AGBL4: variants seen among roughly 807,000 people sequenced by gnomAD.
AGBL4 encodes the protein AGBL carboxypeptidase 4.
A neutral mutation model predicts 66.4 loss-of-function variants in AGBL4; 58 were observed. That is an observed-to-expected ratio of 0.87 (90% CI 0.71 to 1.09). AGBL4 has a LOEUF of 1.09. AGBL4 is among the 50% of genes least tolerant of loss of function. The probability of loss-of-function intolerance (pLI) is 0.00; values close to 1 mark genes in which losing one functional copy is unlikely to be tolerated. For synonymous variants in AGBL4, 234 were observed against 222.9 expected, an observed-to-expected ratio of 1.05 and a Z score of -0.44; for missense variants, 579 against 631.0, an observed-to-expected ratio of 0.92 and a Z score of 0.88.
rs150412156 is a variant in AGBL4, at chr1:49,315,940, A to C, written c.283-70076T>G. Reference sequence around the variant, plus strand: ...AATGTAATTCAGTGCTACAAAGAAGAGCGCTATCAAGCCATTTAAACACAT... The same window carrying C: ...AATGTAATTCAGTGCTACAAAGAAGCGCGCTATCAAGCCATTTAAACACAT... On this transcript the variant is annotated intron_variant, in intron 3 of 13. Transcript: ENST00000371839. 7.9e-3 allele frequency among the ~76,000 whole-genome samples: 1,201 copies of C among 152,210 alleles called. 8 individuals are homozygous for C. Among genetic ancestry groups the C allele is most frequent in the Middle Eastern group, 0.031 (9 of 294 alleles).
intron 5 of AGBL4, among the ~76,000 whole-genome samples, chr1:48,913,271 G>C (rs908755691): frequency 3.3e-5 from 5 of 152,162 alleles, no homozygotes; most frequent in Non-Finnish European, 7.3e-5. Flanking sequence ...TGGAAGATCA[G>C]AATCAATACA....
At chr1:48,990,055 C>T (rs976171469) in intron 5 of AGBL4, among the ~76,000 whole-genome samples, 5 of 152,142 alleles carry the variant, frequency 3.3e-5, no homozygotes, top group African/African-American at 1.2e-4. Flanking sequence ...TATTGCCTAT[C>T]TTTTGGATAT....
chr1:48,549,327 G>C (rs1228910633), intron 11 of AGBL4, among the ~76,000 whole-genome samples: 2 of 152,230 alleles, frequency 1.3e-5, no homozygotes, highest in Non-Finnish European at 2.9e-5. Context: ...TGTCAGACAA[G>C]TGCATGACTA....
At position 49,036,478 on chromosome 1, in the gene AGBL4, T is replaced by TTC. The variant is rs536390054; in HGVS notation, c.594+9104_594+9105dup. Among the ~76,000 whole-genome samples the TTC allele has an allele frequency of 4.5e-4, 68 of 152,256 alleles. 1 individual carries two copies. In the South Asian group the frequency reaches 9.5e-3, roughly 21 times the overall value. On this transcript the variant is annotated intron_variant, in intron 5 of 13. Transcript: ENST00000371839. ...CCATGGAGTATAAAGAAATGTTGAA[T>TTC]TCTCTGGGGGTAGGAGAAAAGAGAG...
chr1:49,013,289 T>TGACTG lies in AGBL4; in HGVS notation c.594+32290_594+32294dup, dbSNP rs538133632. ...GGTGTCCAGGAAACCTCACAGAATG[T>TGACTG]GACTGCCACAAGCTTGGTATCTTCT... On this transcript the variant is annotated intron_variant, in intron 5 of 13. Transcript: ENST00000371839. Among the ~76,000 whole-genome samples the TGACTG allele has an allele frequency of 6.6e-4, 101 of 152,340 alleles. 2 individuals carry two copies. The South Asian group carries it at 0.02, about 30-fold the overall frequency.
At chr1:49,148,187 A>G (rs1375316675) in intron 4 of AGBL4, among the ~76,000 whole-genome samples, 1 of 152,176 alleles carries the variant, frequency 6.6e-6, no homozygotes, top group African/African-American at 2.4e-5. Context: ...TGTTCCTCGA[A>G]TACATTAGGT....
intron 3 of AGBL4, among the ~76,000 whole-genome samples, chr1:49,289,194 A>C (rs1255719245): frequency 6.6e-6 from 1 of 152,192 alleles, no homozygotes; most frequent in Non-Finnish European, 1.5e-5. Flanking sequence ...ATTAAATGAA[A>C]ATTACAGAAT....
At chr1:49,281,429 G>C (rs1204184483) in intron 3 of AGBL4, among the ~76,000 whole-genome samples, 1 of 152,180 alleles carries the variant, frequency 6.6e-6, no homozygotes, top group Non-Finnish European at 1.5e-5. Context: ...ACCAGGACTT[G>C]TGTGGTTTGA....
At chr1:49,702,859 A>C (rs1647125886) in intron 2 of AGBL4, among the ~76,000 whole-genome samples, 1 of 152,132 alleles carries the variant, frequency 6.6e-6, no homozygotes, top group Non-Finnish European at 1.5e-5. Flanking sequence ...GGATCATCTA[A>C]TAGATGCATA....
intron 5 of AGBL4, among the ~76,000 whole-genome samples, chr1:48,989,391 A>C (rs1660432027): frequency 6.6e-6 from 1 of 151,990 alleles, no homozygotes; most frequent in Non-Finnish European, 1.5e-5. Context: ...TATACTTTTT[A>C]AGTTATTTTT....
At chr1:49,041,267 C>A (rs1056445466) in intron 5 of AGBL4, among the ~76,000 whole-genome samples, 2 of 152,010 alleles carry the variant, frequency 1.3e-5, no homozygotes, top group African/African-American at 4.8e-5. Flanking sequence ...TATACTGATG[C>A]CTTCAGACAC....
intron 9 of AGBL4, 23 bp from the exon 10 acceptor site, chr1:48,591,008 A>G: frequency 6.3e-7 from 1 of 1,596,152 alleles, no homozygotes; most frequent in Non-Finnish European, 8.5e-7. Flanking sequence ...AGGATAACAA[A>G]TGAGAAGTCT....
chr1:49,826,896 C>T (rs999683517), intron 2 of AGBL4, among the ~76,000 whole-genome samples: 6 of 151,936 alleles, frequency 3.9e-5, no homozygotes, highest in African/African-American at 9.7e-5. Flanking sequence ...AACTGGAAGA[C>T]GGAAAAGCCA....
chr1:49,994,937 G>A (rs1373250336), intron 1 of AGBL4: 2 of 356,312 alleles, frequency 5.6e-6, no homozygotes, highest in Non-Finnish European at 1.1e-5. Context: ...AAATATAAGA[G>A]ATGAGCGAAA....
intron 6 of AGBL4, among the ~76,000 whole-genome samples, chr1:48,737,796 AC>A (rs547196070): frequency 1.3e-5 from 2 of 152,226 alleles, no homozygotes; most frequent in Non-Finnish European, 2.9e-5. Flanking sequence ...CATTAAAAAA[AC>A]AGTGTTCACT....
intron 5 of AGBL4, among the ~76,000 whole-genome samples, chr1:49,011,889 G>A (rs1406789516): frequency 8.5e-6 from 1 of 117,300 alleles, no homozygotes; most frequent in Non-Finnish European, 1.7e-5. Flanking sequence ...TGTGGGGTGG[G>A]GGGTGGGGGG....
intron 9 of AGBL4, among the ~76,000 whole-genome samples, chr1:48,621,355 T>C (rs540914402): frequency 6.6e-6 from 1 of 152,186 alleles, no homozygotes; most frequent in Admixed American, 6.5e-5. Context: ...TTTTATCCTA[T>C]GGACTGACCT....
intron 5 of AGBL4, among the ~76,000 whole-genome samples, chr1:48,999,005 G>C (rs1220712483): frequency 6.6e-6 from 1 of 152,164 alleles, no homozygotes; most frequent in African/African-American, 2.4e-5. Flanking sequence ...CAGAGACAGA[G>C]TTTACTTCCA....
chr1:49,564,180 T>A (rs1329741207), intron 3 of AGBL4, among the ~76,000 whole-genome samples: 2 of 152,134 alleles, frequency 1.3e-5, no homozygotes, highest in African/African-American at 4.8e-5. Flanking sequence ...TTTTATTGCG[T>A]CTATTTGATT....
Sources: gnomAD v4.1 joint callset for allele counts (sites outside exome capture counted in the v4.1 genomes callset) on GRCh38, gnomAD v4.1.1 for gene constraint, MANE v1.5 for transcripts, NCBI Gene and HGNC (gene_info 2026-07-23, HGNC 2026-07-21) for gene names.